PRMT8: variants seen among roughly 807,000 people sequenced by gnomAD.
The protein encoded by PRMT8 is protein arginine methyltransferase 8, also known as protein arginine N-methyltransferase 8.
A neutral mutation model predicts 47.1 loss-of-function variants in PRMT8; 7 were observed. The ratio of observed to expected loss-of-function variants is 0.15; its 90% confidence interval spans 0.08 to 0.28. PRMT8 has a LOEUF of 0.28. Among genes scored for constraint, PRMT8 ranks in the 10% least tolerant of loss-of-function variants. The pLI, the probability that PRMT8 is intolerant of heterozygous loss-of-function variation, is 1.00. For missense variants in PRMT8, 237 were observed against 505.4 expected (o/e 0.47, Z 5.09); for synonymous variants, 188 against 186.5 (o/e 1.01, Z -0.07).
chr12:3,408,172 T>C (rs750588575), intron 1 of PRMT8, among the ~76,000 whole-genome samples: 93 of 151,216 alleles, frequency 6.2e-4, no homozygotes, highest in Non-Finnish European at 6.9e-4. Context: ...TCTTTCTTTC[T>C]TTCCTTCCTT....
At chr12:3,473,851 G>A (rs1865183351) in intron 1 of PRMT8, among the ~76,000 whole-genome samples, 1 of 151,898 alleles carries the variant, frequency 6.6e-6, no homozygotes. Context: ...TCTCATCCTG[G>A]GCAGTTCCTT....
chr12:3,590,419 C>T (rs1867272515), intron 8 of PRMT8, among the ~76,000 whole-genome samples: 1 of 152,166 alleles, frequency 6.6e-6, no homozygotes. Flanking sequence ...GAACACCTGC[C>T]AGGGTGGACC....
chr12:3,533,400 G>A (rs74056105), intron 1 of PRMT8, among the ~76,000 whole-genome samples: 84 of 152,346 alleles, frequency 5.5e-4, no homozygotes, highest in African/African-American at 1.8e-3. Flanking sequence ...CTTTGAATGT[G>A]GCCCAACACA....
rs1176569732 is a variant in PRMT8, at chr12:3,566,132, T to C, written c.482-2574T>C. Among the ~76,000 whole-genome samples the C allele has an allele frequency of 6.6e-6, 1 of 152,222 alleles. No individual in the cohort carries two copies. The highest frequency in any genetic ancestry group is 2.4e-5 in the African/African-American group (1 of 41,468). On this transcript the variant is annotated intron_variant, in intron 4 of 9. Transcript: ENST00000382622. This position sits in a 1 kb window ranked among gnomAD's most constrained non-coding sequence, Gnocchi z 4.7. ...GGCCATTAAAGACAATTTTTAAGTT[T>C]ACAAAACTAAGGCAAGCCAGGCTTT...
At chr12:3,410,897 T>G (rs1864422336) in intron 1 of PRMT8, among the ~76,000 whole-genome samples, 1 of 152,238 alleles carries the variant, frequency 6.6e-6, no homozygotes, top group Non-Finnish European at 1.5e-5. Context: ...TTCTTTATTT[T>G]ACATTTTTAA....
At chr12:3,567,919 C>T (rs776478998) in intron 4 of PRMT8, among the ~76,000 whole-genome samples, 27 of 151,548 alleles carry the variant, frequency 1.8e-4, no homozygotes, top group Non-Finnish European at 3.2e-4. Context: ...ACTAAAAATA[C>T]AAAATTAGCC....
chr12:3,591,926 G>A (rs1232444672), intron 8 of PRMT8, among the ~76,000 whole-genome samples: 1 of 152,150 alleles, frequency 6.6e-6, no homozygotes, highest in Non-Finnish European at 1.5e-5. Flanking sequence ...TGGGTGACAG[G>A]GTATTCCTCA....
At chr12:3,499,243 T>C (rs1865556562) in intron 1 of PRMT8, among the ~76,000 whole-genome samples, 1 of 131,186 alleles carries the variant, frequency 7.6e-6, no homozygotes, top group Non-Finnish European at 1.6e-5. Context: ...ATGTGCACAT[T>C]GTGCAGGTTA....
intron 1 of PRMT8, among the ~76,000 whole-genome samples, chr12:3,534,788 C>T (rs1374199710): frequency 1.3e-5 from 2 of 152,214 alleles, no homozygotes; most frequent in African/African-American, 4.8e-5. Flanking sequence ...CTCAGTTAAG[C>T]TTGGTTGGGC....
rs1227980430 is a variant in PRMT8 at position 3,436,824 on chromosome 12, C to G, written c.48+55382C>G. 6.6e-6 allele frequency among the ~76,000 whole-genome samples: 1 copy of G among 152,328 alleles called. No homozygotes were observed. Among genetic ancestry groups the G allele is most frequent in the African/African-American group, 2.4e-5 (1 of 41,568 alleles). ...TCCAGCAGGCAAGGCTGCGATTTCT[C>G]TCTACTGATGCTGTGGCCTCTGTGG... On this transcript the variant is annotated intron_variant, in intron 1 of 9. Transcript: ENST00000452611. This position sits in a 1 kb window ranked among gnomAD's most constrained non-coding sequence, Gnocchi z 4.2.
intron 1 of PRMT8, among the ~76,000 whole-genome samples, chr12:3,396,542 T>C (rs967746351): frequency 5.3e-5 from 8 of 152,234 alleles, no homozygotes; most frequent in South Asian, 2.1e-4. Context: ...ATATTGGCCC[T>C]CACTCTCTTC....
chr12:3,432,380 A>G (rs959832910), intron 1 of PRMT8, among the ~76,000 whole-genome samples: 2 of 152,252 alleles, frequency 1.3e-5, no homozygotes, highest in Admixed American at 6.5e-5. Flanking sequence ...ACACACGCTC[A>G]AGGAACTTAA....
rs1028016761 is a variant in PRMT8 at position 3,398,065 on chromosome 12, TCGCGCACGGTG to T, written c.48+16631_48+16641del. On this transcript the variant is annotated intron_variant, in intron 1 of 9. Transcript: ENST00000452611. The stretch of plus-strand genomic sequence containing the variant: ...AGGCAATGCCTCGCCCTGCTTCGGC[TCGCGCACGGTG>T]CGCGCACCCACTGACCTGCGCCCAC... 6.0e-4 allele frequency among the ~76,000 whole-genome samples: 91 copies of T among 152,292 alleles called. 2 individuals carry two copies. The South Asian group carries it at 6.6e-3, about 11-fold the overall frequency.
chr12:3,525,300 G>A (rs972614655), intron 1 of PRMT8, among the ~76,000 whole-genome samples: 1 of 152,202 alleles, frequency 6.6e-6, no homozygotes, highest in Non-Finnish European at 1.5e-5. Context: ...GTTTGTGGGT[G>A]TCAGATAGCA....
At chr12:3,547,127 T>C (rs1866339999) in intron 2 of PRMT8, among the ~76,000 whole-genome samples, 1 of 152,204 alleles carries the variant, frequency 6.6e-6, no homozygotes, top group Admixed American at 6.5e-5. Context: ...TTCAGCCTGA[T>C]AAAAGACATT....
Position 3,580,178 on chromosome 12 carries a change from G to T in PRMT8, c.829-2880G>T, listed in dbSNP as rs1024387209. Among the ~76,000 whole-genome samples, 3 of 152,106 alleles carry T rather than the reference G, an allele frequency of 2.0e-5. No homozygotes were observed. The highest frequency in any genetic ancestry group is 7.2e-5 in the African/African-American group (3 of 41,424). Reference sequence around the variant, plus strand: ...CGGCTTCAATACTTTTGGTCCTAAAGGCTTTTGTTCTATCAGAGGCCTCTA... The same window carrying T: ...CGGCTTCAATACTTTTGGTCCTAAATGCTTTTGTTCTATCAGAGGCCTCTA... On this transcript the variant is annotated intron_variant, in intron 7 of 9. Transcript: ENST00000382622. This position sits in a 1 kb window ranked among gnomAD's most constrained non-coding sequence, Gnocchi z 4.6.
chr12:3,578,229 TA>T (rs2137221277), intron 7 of PRMT8, among the ~76,000 whole-genome samples: 1 of 152,082 alleles, frequency 6.6e-6, no homozygotes, highest in Non-Finnish European at 1.5e-5. Context: ...TACCACAAGC[TA>T]TTTTTTTTTT....
intron 2 of PRMT8, among the ~76,000 whole-genome samples, chr12:3,545,286 T>G (rs1866308372): frequency 6.6e-6 from 1 of 152,222 alleles, no homozygotes; most frequent in Non-Finnish European, 1.5e-5. Flanking sequence ...GTCTGTGTAC[T>G]TAACCACTGT....
chr12:3,515,541 G>A (rs553112115), intron 1 of PRMT8, among the ~76,000 whole-genome samples: 1 of 152,282 alleles, frequency 6.6e-6, no homozygotes, highest in Non-Finnish European at 1.5e-5. Context: ...AAAAAGAAAT[G>A]CAAATTGCCT....
Sources: gnomAD v4.1 joint callset for allele counts (sites outside exome capture counted in the v4.1 genomes callset) on GRCh38, gnomAD v4.1.1 for gene constraint, Gnocchi (gnomAD v3.1) non-coding constraint, MANE v1.5 for transcripts, NCBI Gene and HGNC (gene_info 2026-07-23, HGNC 2026-07-21) for gene names.